KIF16B: variants seen among roughly 807,000 people sequenced by gnomAD.
KIF16B encodes the protein kinesin family member 16B.
KIF16B carries 98 observed loss-of-function variants against 156.3 expected under a neutral mutation model. The observed-to-expected ratio is 0.63, with a 90% CI of 0.53 to 0.74. KIF16B has a LOEUF of 0.74. KIF16B is among the 30% of genes least tolerant of loss of function. The pLI is 0.00. For missense variants in KIF16B, 1,421 were observed against 1,606.5 expected (o/e 0.88, Z 1.97); for synonymous variants, 564 against 583.7 (o/e 0.97, Z 0.49).
chr20:16,397,422 C>T (rs918732277), intron 17 of KIF16B, among the ~76,000 whole-genome samples: 2 of 152,156 alleles, frequency 1.3e-5, no homozygotes, highest in Admixed American at 6.5e-5. Flanking sequence ...CTCTATGTGC[C>T]CAGTTAGGCT....
At chr20:16,424,990 T>C (rs1216602712) in intron 15 of KIF16B, among the ~76,000 whole-genome samples, 3 of 152,158 alleles carry the variant, frequency 2.0e-5, no homozygotes, top group Non-Finnish European at 4.4e-5. Context: ...AATACCAATA[T>C]AAACAGATAT....
At chr20:16,313,393 G>T (rs1305077457) in intron 24 of KIF16B, among the ~76,000 whole-genome samples, 1 of 152,138 alleles carries the variant, frequency 6.6e-6, no homozygotes, top group African/African-American at 2.4e-5. Context: ...AAGAATTAAA[G>T]ACTAGCATCT....
At chr20:16,317,589 G>A (rs1373211985) in intron 24 of KIF16B, among the ~76,000 whole-genome samples, 1 of 152,176 alleles carries the variant, frequency 6.6e-6, no homozygotes, top group Non-Finnish European at 1.5e-5. Context: ...ATAAAAATTG[G>A]TGAAACCATT....
At chr20:16,516,637 C>T (rs1421818449) in intron 3 of KIF16B, among the ~76,000 whole-genome samples, 1 of 152,172 alleles carries the variant, frequency 6.6e-6, no homozygotes, top group Admixed American at 6.5e-5. Flanking sequence ...CCTCAGCATC[C>T]CTACAGGAGC....
chr20:16,424,025 C>CT (rs1213612955), intron 15 of KIF16B, among the ~76,000 whole-genome samples: 1 of 152,094 alleles, frequency 6.6e-6, no homozygotes, highest in East Asian at 1.9e-4. Context: ...CCCACCATGA[C>CT]TAATACTGCT....
chr20:16,448,279 G>C (rs531571313), intron 12 of KIF16B, among the ~76,000 whole-genome samples: 1 of 152,282 alleles, frequency 6.6e-6, no homozygotes, highest in Admixed American at 6.5e-5. Context: ...ACAAAGAAGA[G>C]AGTTTTTCAT....
intron 1 of KIF16B, among the ~76,000 whole-genome samples, chr20:16,546,244 G>A (rs1311933156): frequency 6.6e-6 from 1 of 152,146 alleles, no homozygotes; most frequent in East Asian, 1.9e-4. Context: ...CTAAGCCATG[G>A]TGTACTAATT....
intron 24 of KIF16B, among the ~76,000 whole-genome samples, chr20:16,319,792 A>C (rs1028509396): frequency 6.6e-6 from 1 of 152,164 alleles, no homozygotes; most frequent in African/African-American, 2.4e-5. Context: ...TTTTCAAATG[A>C]TGTGTTCTCA....
chr20:16,563,211 C>T (rs2071131044), intron 1 of KIF16B, among the ~76,000 whole-genome samples: 2 of 152,120 alleles, frequency 1.3e-5, no homozygotes, highest in African/African-American at 4.8e-5. Context: ...TAGGAGTGAC[C>T]GAAGGCAAGC....
Position 16,497,662 on chromosome 20 carries a change from G to A in KIF16B, c.1193C>T (p.Ser398Phe), listed in dbSNP as rs2068492044. 1 of 1,609,986 alleles carries A rather than the reference G, an allele frequency of 6.2e-7. No homozygotes were observed. The highest frequency in any genetic ancestry group is 1.1e-5 in the South Asian group (1 of 90,958). ...AQGNQIALLD[S>F]PTALSMEEKL... ...TTCCTCCATACTTAAAGCTGTGGGGGAGTCTAAGAGGGCAATCTACAATAT... is the reference window on the plus strand; with the variant it reads ...TTCCTCCATACTTAAAGCTGTGGGGAAGTCTAAGAGGGCAATCTACAATAT... Residue 398 changes from serine to phenylalanine, a missense_variant, in exon 11 of 26, where the codon TCC (serine) becomes TTC (phenylalanine). By Grantham distance (155) the Ser-to-Phe change is radical. Transcript: ENST00000354981.
chr20:16,464,920 C>T (rs945069620), intron 12 of KIF16B, among the ~76,000 whole-genome samples: 1 of 151,996 alleles, frequency 6.6e-6, no homozygotes, highest in African/African-American at 2.4e-5. Context: ...TTATCAGATA[C>T]AGGAGATCAG....
chr20:16,283,322 G>T (rs1399742493), intron 25 of KIF16B, among the ~76,000 whole-genome samples: 1 of 152,196 alleles, frequency 6.6e-6, no homozygotes, highest in Non-Finnish European at 1.5e-5. Context: ...CGCTCTGCCT[G>T]GTGGTGCCAA....
intron 12 of KIF16B, among the ~76,000 whole-genome samples, chr20:16,483,669 G>A (rs948087055): frequency 6.6e-6 from 1 of 152,118 alleles, no homozygotes; most frequent in Non-Finnish European, 1.5e-5. Context: ...TTGGCATCTT[G>A]CAGTGAGGTT....
rs747047819 is a variant in KIF16B, at chr20:16,374,413, C to T, written c.3198-4G>A. 1.3e-6 allele frequency: 2 copies of T among 1,546,688 alleles called. No homozygotes were observed. The highest frequency in any genetic ancestry group is 8.8e-7 in the Non-Finnish European group (1 of 1,141,832). On this transcript the variant is annotated splice_polypyrimidine_tract_variant and splice_region_variant and intron_variant, in intron 19 of 25. Coordinates refer to ENST00000354981, the MANE Select transcript of KIF16B (RefSeq NM_024704.5). ...CTGCTGGATTTCATATTCTAACCTA[C>T]ACAGATAGGAGCCACATAATTCATT... is the stretch of plus-strand genomic sequence containing the variant.
chr20:16,487,216 C>G (rs1323117850), intron 12 of KIF16B, among the ~76,000 whole-genome samples: 7 of 151,764 alleles, frequency 4.6e-5, no homozygotes, highest in African/African-American at 7.3e-5. Flanking sequence ...CGCGCCACTG[C>G]ACTCCAGCCT....
chr20:16,452,402 G>GA (rs200898603), intron 12 of KIF16B, among the ~76,000 whole-genome samples: 2,100 of 125,396 alleles, frequency 0.017, 9 homozygotes, highest in East Asian at 0.029. Flanking sequence ...ACCCCTATAA[G>GA]AAAAAAAAAA....
chr20:16,367,541 C>T, intron 22 of KIF16B: 1 of 1,612,902 alleles, frequency 6.2e-7, no homozygotes, highest in Non-Finnish European at 8.5e-7. Flanking sequence ...TGGCACTGGT[C>T]ATGGCCAGAG....
At chr20:16,431,528 T>C (rs2066499740) in intron 12 of KIF16B, among the ~76,000 whole-genome samples, 1 of 152,140 alleles carries the variant, frequency 6.6e-6, no homozygotes, top group Admixed American at 6.6e-5. Context: ...GTTTCCTCTG[T>C]CACTGCTATC....
At chr20:16,341,623 T>C (rs1209931368) in intron 23 of KIF16B, among the ~76,000 whole-genome samples, 2 of 152,234 alleles carry the variant, frequency 1.3e-5, no homozygotes, top group East Asian at 3.8e-4. Flanking sequence ...TTCAGTTTAC[T>C]GTCTAAACCA....
Sources: gnomAD v4.1 joint callset for allele counts (sites outside exome capture counted in the v4.1 genomes callset) on GRCh38, gnomAD v4.1.1 for gene constraint, MANE v1.5 for transcripts, NCBI Gene and HGNC (gene_info 2026-07-23, HGNC 2026-07-21) for gene names.